The following PRELID2 variants were observed in gnomAD, a reference collection of about 807,000 sequenced individuals.
PRELID2 encodes the protein PRELI domain containing 2, also known as PRELI domain-containing protein 2.
In PRELID2, 25 loss-of-function variants were observed where a neutral mutation model predicts 28.4. The observed-to-expected ratio is 0.88, with a 90% CI of 0.64 to 1.23. PRELID2 has a LOEUF of 1.23. Among genes scored for constraint, PRELID2 ranks in the 50% most tolerant of loss-of-function variants. PRELID2 has a pLI of 0.00. For missense variants in PRELID2, 201 were observed against 214.4 expected (o/e 0.94, Z 0.39); for synonymous variants, 76 against 71.6 (o/e 1.06, Z -0.31).
chr5:145,484,742 GA>G (rs762415726), intron 1 of PRELID2, among the ~76,000 whole-genome samples: 6 of 152,122 alleles, frequency 3.9e-5, no homozygotes, highest in Non-Finnish European at 7.4e-5. Context: ...TAAAAGTTAA[GA>G]AAAAACTACC....
chr5:145,335,226 C>A, the PRELID2 span, among the ~76,000 whole-genome samples: 1 of 151,706 alleles, frequency 6.6e-6, no homozygotes, highest in Non-Finnish European at 1.5e-5. Context: ...CAGATTCTTT[C>A]TTTCTTCTGC....
intron 4 of PRELID2, among the ~76,000 whole-genome samples, chr5:145,805,604 A>G (rs553291107): frequency 6.6e-6 from 1 of 152,280 alleles, no homozygotes; most frequent in South Asian, 2.1e-4. Flanking sequence ...AAACAACTCA[A>G]AGGAAAAGGA....
chr5:145,608,532 T>C (rs1338396718), intron 1 of PRELID2, among the ~76,000 whole-genome samples: 4 of 152,236 alleles, frequency 2.6e-5, no homozygotes, highest in African/African-American at 7.2e-5. Context: ...AAATTCTTGG[T>C]TGGAATTTCT....
intron 1 of PRELID2, among the ~76,000 whole-genome samples, chr5:145,651,272 G>T (rs1383043872): frequency 1.3e-5 from 2 of 152,274 alleles, no homozygotes; most frequent in Admixed American, 6.5e-5. Flanking sequence ...GCTCGAACTG[G>T]GTGGAGCCCA....
intron 1 of PRELID2, among the ~76,000 whole-genome samples, chr5:145,643,848 T>A (rs1754150808): frequency 6.6e-6 from 1 of 152,242 alleles, no homozygotes; most frequent in Non-Finnish European, 1.5e-5. Context: ...CAGCCTTGCA[T>A]CTCAGGGATG....
chr5:145,759,801 G>C lies in PRELID2; in HGVS notation c.*735C>G, dbSNP rs1313591070. The C allele has an allele frequency of 6.6e-6, 1 of 152,184 alleles. No individual in the cohort carries two copies. Among genetic ancestry groups the C allele is most frequent in the Non-Finnish European group, 1.5e-5 (1 of 68,042 alleles). The allele number at this position is 152,184 out of a possible 1,614,324, so 9.4% of individuals were successfully genotyped here. Reference sequence around the variant, plus strand: ...CCCCATTTGCCCAATAAAAAACAGAGAGGTTAATGATTTGCTTGCTCACCA... The same window carrying C: ...CCCCATTTGCCCAATAAAAAACAGACAGGTTAATGATTTGCTTGCTCACCA... On this transcript the variant is annotated 3_prime_UTR_variant, in exon 7 of 7. Transcript: ENST00000683046.
rs576374928 is a variant in PRELID2, at chr5:145,714,162, A to G, written n.70+50769T>C. On this transcript the variant is annotated intron_variant and non_coding_transcript_variant, in intron 1 of 2. Coordinates refer to the PRELID2 transcript ENST00000510259. ...AGATGTCCTCAGGAAGAGAGCATGA[A>G]TATAGTAATGAAATAGGCTCCTCTG... Among the ~76,000 whole-genome samples, 7 of 152,234 alleles carry G rather than the reference A, an allele frequency of 4.6e-5. No homozygotes were observed. The East Asian group carries it at 1.4e-3, about 29-fold the overall frequency.
At chr5:145,515,495 T>C (rs1363116868) in intron 1 of PRELID2, among the ~76,000 whole-genome samples, 3 of 152,176 alleles carry the variant, frequency 2.0e-5, no homozygotes, top group Non-Finnish European at 4.4e-5. Flanking sequence ...ATTGAGGCAA[T>C]AATTAATAGC....
chr5:145,229,349 C>G, the PRELID2 span: 1 of 742,454 alleles, frequency 1.3e-6, no homozygotes, highest in Non-Finnish European at 2.5e-6. Flanking sequence ...TCCCAAGAAC[C>G]TGTGGAGCAT....
At chr5:145,503,652 G>T (rs1417241808) in intron 1 of PRELID2, among the ~76,000 whole-genome samples, 1 of 152,130 alleles carries the variant, frequency 6.6e-6, no homozygotes, top group Admixed American at 6.6e-5. Context: ...GAGTTTGCTG[G>T]TCCTGTGCAT....
chr5:145,516,268 A>T (rs996457329), intron 1 of PRELID2, among the ~76,000 whole-genome samples: 1 of 152,338 alleles, frequency 6.6e-6, no homozygotes, highest in African/African-American at 2.4e-5. Flanking sequence ...AAATCTCCTC[A>T]AGCTGATAAG....
chr5:145,660,227 C>A (rs1486066236), intron 1 of PRELID2, among the ~76,000 whole-genome samples: 2 of 152,114 alleles, frequency 1.3e-5, no homozygotes, highest in Non-Finnish European at 2.9e-5. Context: ...CCTTTGGAGT[C>A]AACAGAAGAG....
the PRELID2 span, among the ~76,000 whole-genome samples, chr5:145,394,938 A>G: frequency 6.6e-6 from 1 of 152,118 alleles, no homozygotes; most frequent in Non-Finnish European, 1.5e-5. Context: ...TGTCTTTGCC[A>G]TCATCATCAT....
intron 1 of PRELID2, chr5:145,728,471 C>G: frequency 1.5e-6 from 1 of 653,276 alleles, no homozygotes. Flanking sequence ...TTGAAGGGAA[C>G]AGGAAGTGTT....
At chr5:145,336,908 A>C in the PRELID2 span, among the ~76,000 whole-genome samples, 1 of 142,266 alleles carries the variant, frequency 7.0e-6, no homozygotes, top group Non-Finnish European at 1.5e-5. Flanking sequence ...TGGGAATTGA[A>C]CAATGAGAAC....
At chr5:145,500,671 A>T (rs1333185162) in intron 1 of PRELID2, among the ~76,000 whole-genome samples, 1 of 152,114 alleles carries the variant, frequency 6.6e-6, no homozygotes, top group African/African-American at 2.4e-5. Flanking sequence ...GATAAGCATG[A>T]TGCGTTGGAA....
intron 5 of PRELID2, among the ~76,000 whole-genome samples, chr5:145,770,026 G>A (rs1010668616): frequency 2.6e-5 from 4 of 152,172 alleles, no homozygotes; most frequent in African/African-American, 7.2e-5. Context: ...ACCTGGTGAC[G>A]TTGTAGCTGT....
At chr5:145,256,443 C>T in the PRELID2 span, among the ~76,000 whole-genome samples, 2 of 152,054 alleles carry the variant, frequency 1.3e-5, no homozygotes, top group African/African-American at 4.8e-5. Flanking sequence ...TGGGTTCACC[C>T]AGTTGATCCA....
chr5:145,475,750 TAGAC>T (rs1359707034), intron 1 of PRELID2, among the ~76,000 whole-genome samples: 3 of 152,176 alleles, frequency 2.0e-5, no homozygotes, highest in African/African-American at 7.2e-5. Flanking sequence ...AATCTCTCAT[TAGAC>T]AGAGTTCACA....
Sources: allele counts gnomAD v4.1 joint callset (sites outside exome capture counted in the v4.1 genomes callset), GRCh38; gene constraint gnomAD v4.1.1; transcripts MANE v1.5; gene names NCBI Gene and HGNC (gene_info 2026-07-23, HGNC 2026-07-21).